The following ITGB8 variants were observed in gnomAD, a reference collection of about 807,000 sequenced individuals.
ITGB8 encodes the protein integrin subunit beta 8.
In ITGB8, 30 loss-of-function variants were observed where a neutral mutation model predicts 89.5. That is an observed-to-expected ratio of 0.34 (90% CI 0.25 to 0.45). The LOEUF (loss-of-function observed/expected upper bound fraction) is 0.45. Ranked by LOEUF, ITGB8 falls within the 20% of genes least tolerant of loss-of-function variation. ITGB8 has a pLI of 1.00. For synonymous variants in ITGB8, 335 were observed against 320.4 expected, an observed-to-expected ratio of 1.05 and a Z score of -0.49; for missense variants, 836 against 933.3, an observed-to-expected ratio of 0.90 and a Z score of 1.36.
At chr7:20,346,371 A>T (rs916558861) in intron 1 of ITGB8, among the ~76,000 whole-genome samples, 3 of 152,148 alleles carry the variant, frequency 2.0e-5, no homozygotes, top group Admixed American at 2.0e-4. Flanking sequence ...GTTGTAAAGG[A>T]ATAGGAGATA....
At position 20,401,971 on chromosome 7, in the gene ITGB8, G is replaced by C. The variant is rs1030924244; in HGVS notation, c.1532G>C (p.Cys511Ser). The change falls in exon 10 of 14, where the codon TGC (cysteine) becomes TCC (serine). Residue 511 changes from cysteine (C) to serine (S), a missense_variant. Cys to Ser is a moderately radical substitution (Grantham distance 112). This residue lies in a region of ITGB8 where 422 missense variants were observed against 416.9 expected (regional missense o/e 1.01). Coordinates refer to ENST00000222573, the MANE Select transcript of ITGB8 (RefSeq NM_002214.3). ...GAAGATCAGTTTTCTTCTGAGAGTTGCAAGTCACACAAGGATCAGCCTGTT... is the reference window on the plus strand; with the variant it reads ...GAAGATCAGTTTTCTTCTGAGAGTTCCAAGTCACACAAGGATCAGCCTGTT... ...FDEDQFSSES[C>S]KSHKDQPVCS... The C allele has an allele frequency of 6.2e-7, 1 of 1,614,176 alleles. No individual in the cohort carries two copies.
rs574747964 is a variant in ITGB8 at position 20,380,873 on chromosome 7, A to C, written c.801+42A>C. On this transcript the variant is annotated intron_variant, in intron 5 of 13. Transcript: ENST00000222573. The stretch of plus-strand genomic sequence containing the variant: ...GATCGAGTGTTTGCTAAGATGCCAA[A>C]CTTTCAAAGAATTTAGACGTTTTAT... 1.5e-4 allele frequency: 221 copies of C among 1,519,010 alleles called. No individual in the cohort carries two copies. In the African/African-American group the frequency reaches 3.0e-3, roughly 21 times the overall value. 94.1% of individuals were successfully genotyped at this position (1,519,010 alleles called of 1,614,324 possible).
At chr7:20,342,445 T>C (rs1316148566) in intron 1 of ITGB8, among the ~76,000 whole-genome samples, 1 of 152,184 alleles carries the variant, frequency 6.6e-6, no homozygotes, top group Non-Finnish European at 1.5e-5. Context: ...AAACTCACCT[T>C]TCTAGGCCTC....
At chr7:20,333,157 A>G (rs1784466179) in intron 1 of ITGB8, among the ~76,000 whole-genome samples, 1 of 152,170 alleles carries the variant, frequency 6.6e-6, no homozygotes, top group South Asian at 2.1e-4. Flanking sequence ...AGATATAGAG[A>G]TATATGGAAA....
At chr7:20,357,524 A>G (rs1018429109) in intron 1 of ITGB8, among the ~76,000 whole-genome samples, 7 of 152,176 alleles carry the variant, frequency 4.6e-5, no homozygotes, top group Non-Finnish European at 1.0e-4. Context: ...GTGTATATAG[A>G]TAATATACCC....
intron 6 of ITGB8, among the ~76,000 whole-genome samples, chr7:20,386,158 C>T (rs960955809): frequency 1.8e-4 from 28 of 152,046 alleles, no homozygotes; most frequent in African/African-American, 6.8e-4. Context: ...ACGATTGTTC[C>T]ATCTTTTGGG....
At chr7:20,365,414 C>T (rs537027191) in intron 2 of ITGB8, 2 of 152,228 alleles carry the variant, frequency 1.3e-5, no homozygotes, top group East Asian at 3.9e-4. Flanking sequence ...GGATTCAAAT[C>T]CTAGTTCCAC....
chr7:20,394,779 T>C (rs1787003348), intron 7 of ITGB8, 117 bp from the exon 8 acceptor site: 1 of 706,670 alleles, frequency 1.4e-6, no homozygotes, highest in Non-Finnish European at 2.4e-6. Context: ...CTTATAGGTT[T>C]TCATTCATTT....
Position 20,404,854 on chromosome 7 carries a change from G to T in ITGB8, c.1913+1G>T. ...GTTATACAGCCTGCAAGGAAAACTG[G>T]TATGATTTCTTTGACTCCAAACATA... On this transcript the variant is annotated splice_donor_variant, in intron 11 of 13. Coordinates refer to ENST00000222573, the MANE Select transcript of ITGB8 (RefSeq NM_002214.3). LOFTEE classifies it high-confidence loss of function. 6.2e-7 allele frequency: 1 copy of T among 1,613,318 alleles called. No individual in the cohort carries two copies. Among genetic ancestry groups the T allele is most frequent in the Non-Finnish European group, 8.5e-7 (1 of 1,179,232 alleles).
At chr7:20,336,978 G>A (rs1784598495) in intron 1 of ITGB8, among the ~76,000 whole-genome samples, 1 of 152,076 alleles carries the variant, frequency 6.6e-6, no homozygotes, top group Non-Finnish European at 1.5e-5. Flanking sequence ...TTTAAAAGTG[G>A]GTTACACCAT....
At chr7:20,358,070 A>G (rs1340154333) in intron 1 of ITGB8, among the ~76,000 whole-genome samples, 1 of 152,098 alleles carries the variant, frequency 6.6e-6, no homozygotes, top group Non-Finnish European at 1.5e-5. Flanking sequence ...AGTTCAAGCA[A>G]TTCTCCTGCC....
intron 1 of ITGB8, chr7:20,352,549 A>G (rs1785146969): frequency 6.6e-6 from 1 of 152,242 alleles, no homozygotes; most frequent in Non-Finnish European, 1.5e-5. Flanking sequence ...AAAGATGTAT[A>G]TAAGATATAA....
At chr7:20,338,979 G>A (rs187164583) in intron 1 of ITGB8, among the ~76,000 whole-genome samples, 24 of 152,198 alleles carry the variant, frequency 1.6e-4, no homozygotes, top group African/African-American at 5.8e-4. Flanking sequence ...GGATCACGAG[G>A]TCAGGAGTTC....
chr7:20,342,001 A>G (rs927697915), intron 1 of ITGB8, among the ~76,000 whole-genome samples: 1 of 152,088 alleles, frequency 6.6e-6, no homozygotes, highest in Non-Finnish European at 1.5e-5. Context: ...TCACAGGGCA[A>G]ACTTCTCAGA....
intron 3 of ITGB8, among the ~76,000 whole-genome samples, chr7:20,370,636 A>G (rs1277127694): frequency 6.7e-6 from 1 of 149,276 alleles, no homozygotes; most frequent in African/African-American, 2.5e-5. Flanking sequence ...TTTGAGACGG[A>G]GTCTCCCTCT....
chr7:20,338,325 C>G (rs1473906202), intron 1 of ITGB8, among the ~76,000 whole-genome samples: 1 of 152,132 alleles, frequency 6.6e-6, no homozygotes, highest in Non-Finnish European at 1.5e-5. Flanking sequence ...GACTTGTCTA[C>G]TAGTTTAAAT....
chr7:20,341,470 G>A (rs534587788), intron 1 of ITGB8, among the ~76,000 whole-genome samples: 11 of 152,314 alleles, frequency 7.2e-5, no homozygotes, highest in Admixed American at 3.9e-4. Flanking sequence ...AGAGCCTGAC[G>A]TCAGGTTGAT....
intron 1 of ITGB8, among the ~76,000 whole-genome samples, chr7:20,361,266 T>G (rs1027045047): frequency 6.6e-6 from 1 of 152,250 alleles, no homozygotes; most frequent in Non-Finnish European, 1.5e-5. Flanking sequence ...TGAACTGAAA[T>G]AGACTTAATT....
chr7:20,376,142 T>C (rs1326992784), intron 3 of ITGB8, among the ~76,000 whole-genome samples: 1 of 152,016 alleles, frequency 6.6e-6, no homozygotes, highest in Non-Finnish European at 1.5e-5. Flanking sequence ...AAACTGAGGG[T>C]GCTGTCCCTG....
Sources: allele counts gnomAD v4.1 joint callset (sites outside exome capture counted in the v4.1 genomes callset), GRCh38; gene constraint gnomAD v4.1.1; regional missense constraint gnomAD v4.1.1; transcripts MANE v1.5; gene names NCBI Gene and HGNC (gene_info 2026-07-23, HGNC 2026-07-21).